Variants in SARDH observed in about 807,000 individuals in gnomAD.
The protein encoded by SARDH is sarcosine dehydrogenase.
SARDH carries 95 observed loss-of-function variants against 109.1 expected under a neutral mutation model. The observed-to-expected ratio is 0.87, with a 90% CI of 0.74 to 1.03. The LOEUF is 1.03. Ranked by LOEUF, SARDH falls within the 50% of genes least tolerant of loss-of-function variation. The pLI is 0.00. For missense variants in SARDH, 1,267 were observed against 1,287.8 expected, an observed-to-expected ratio of 0.98 and a Z score of 0.25; for synonymous variants, 572 against 534.8, an observed-to-expected ratio of 1.07 and a Z score of -0.96.
intron 6 of SARDH, among the ~76,000 whole-genome samples, chr9:133,727,384 G>A (rs965917424): frequency 2.0e-5 from 3 of 152,334 alleles, no homozygotes; most frequent in Admixed American, 6.5e-5. Context: ...GGTAGACAGC[G>A]TCCTGCTGCA....
chr9:133,734,396 C>CACTCAT (rs1832802587), intron 1 of SARDH, among the ~76,000 whole-genome samples, 193 bp from the exon 2 acceptor site: 1 of 128,722 alleles, frequency 7.8e-6, no homozygotes, highest in Non-Finnish European at 1.7e-5. Context: ...CATTCATTCA[C>CACTCAT]TCATTCATTC....
chr9:133,673,470 C>T (rs1455897239), intron 17 of SARDH, among the ~76,000 whole-genome samples: 1 of 152,208 alleles, frequency 6.6e-6, no homozygotes, highest in Non-Finnish European at 1.5e-5. Context: ...CGCTGGGATA[C>T]GCCTGTGGGA....
chr9:133,733,733 T>C, intron 2 of SARDH, 110 bp downstream of exon 2: 1 of 1,115,068 alleles, frequency 9.0e-7, no homozygotes, highest in East Asian at 3.0e-5. Context: ...CCCCAGGGTC[T>C]CTTCCCCAGG....
At chr9:133,722,347 A>G (rs2131477813) in intron 6 of SARDH, among the ~76,000 whole-genome samples, 1 of 152,242 alleles carries the variant, frequency 6.6e-6, no homozygotes, top group Admixed American at 6.5e-5. Context: ...CAAACTTGGA[A>G]GAAGGGAACT....
In SARDH at chr9:133,663,865, G is replaced by A; in HGVS notation, c.*24C>T. The A allele has an allele frequency of 6.2e-7, 1 of 1,613,382 alleles. No individual in the cohort carries two copies. The highest frequency in any genetic ancestry group is 8.5e-7 in the Non-Finnish European group (1 of 1,179,618). On this transcript the variant is annotated 3_prime_UTR_variant, in exon 21 of 21. Coordinates refer to ENST00000439388, the MANE Select transcript of SARDH (RefSeq NM_001134707.2). ...CCTGTGAGAATGGATGGACAGCATG[G>A]GATGGGGCATGTGGTCTGAGCCCTC...
chr9:133,660,130 G>A (rs1015420310), downstream of SARDH, among the ~76,000 whole-genome samples: 32 of 145,048 alleles, frequency 2.2e-4, no homozygotes, highest in African/African-American at 4.1e-4. Context: ...GACAGCAGCC[G>A]TGTCCCCCCT....
chr9:133,725,161 C>T (rs910045907), intron 6 of SARDH, among the ~76,000 whole-genome samples: 5 of 152,172 alleles, frequency 3.3e-5, no homozygotes, highest in African/African-American at 1.2e-4. Flanking sequence ...GAATAGGAAA[C>T]TCCATCGAGG....
intron 15 of SARDH, among the ~76,000 whole-genome samples, chr9:133,691,089 T>C (rs1019860694): frequency 1.3e-5 from 2 of 151,430 alleles, no homozygotes; most frequent in African/African-American, 4.9e-5. Flanking sequence ...CCTCAAGGGG[T>C]TCCCCGACAC....
chr9:133,739,152 C>T (rs1832980076), upstream of SARDH, among the ~76,000 whole-genome samples: 1 of 152,166 alleles, frequency 6.6e-6, no homozygotes, highest in Admixed American at 6.5e-5. Flanking sequence ...AAGAATACAC[C>T]TCTGGATGCC....
upstream of SARDH, among the ~76,000 whole-genome samples, chr9:133,738,727 G>T (rs986284970): frequency 3.3e-5 from 5 of 152,234 alleles, no homozygotes; most frequent in Non-Finnish European, 7.3e-5. Context: ...TGGGCCAGGG[G>T]CCCGTCCACT....
rs983063392 is a variant in SARDH, at chr9:133,712,632, C to T, written c.1315G>A (p.Gly439Ser). The T allele has an allele frequency of 1.9e-6, 3 of 1,609,692 alleles. No individual in the cohort carries two copies. The highest frequency in any genetic ancestry group is 1.7e-5 in the Admixed American group (1 of 60,016). Residue 439 changes from glycine (G) to serine (S), a missense_variant, in exon 10 of 21, where the codon GGC (glycine) becomes AGC (serine). Physicochemically the swap from Gly to Ser is moderately conservative, Grantham distance 56. Coordinates refer to ENST00000439388, the MANE Select transcript of SARDH (RefSeq NM_001134707.2). This position sits in a 1 kb window ranked among gnomAD's most constrained non-coding sequence, Gnocchi z 4.1. ...IHGRPEKDMHGYDIRRFHHSL... is the reference protein window; with the variant it reads ...IHGRPEKDMHSYDIRRFHHSL... The stretch of plus-strand genomic sequence containing the variant: ...ATGGGCACTTACCTGATGTCATAGC[C>T]ATGCATGTCCTTCTCCGGGCGCCCA...
rs900730509 is a variant in SARDH at position 133,717,255 on chromosome 9, G to C, written c.1150+71C>G. 6.4e-5 allele frequency: 101 copies of C among 1,572,820 alleles called. No homozygotes were observed. The Middle Eastern group carries it at 1.0e-3, about 16-fold the overall frequency. On this transcript the variant is annotated intron_variant, in intron 8 of 20. Coordinates refer to ENST00000439388, the MANE Select transcript of SARDH (RefSeq NM_001134707.2). Reference sequence around the variant, plus strand: ...GTGTGACACAGGCTGGTCTCACGGGGCATCACTACTAACAGTCATCAGACC... The same window carrying C: ...GTGTGACACAGGCTGGTCTCACGGGCCATCACTACTAACAGTCATCAGACC...
intron 12 of SARDH, 162 bp from the exon 13 acceptor site, chr9:133,703,191 C>T (rs891507676): frequency 3.2e-6 from 2 of 629,328 alleles, no homozygotes; most frequent in Non-Finnish European, 5.6e-6. Context: ...GCAGGGGGCC[C>T]CCATGAGGTC....
intron 8 of SARDH, among the ~76,000 whole-genome samples, chr9:133,715,415 C>T (rs542253554): frequency 1.3e-5 from 2 of 152,166 alleles, no homozygotes; most frequent in African/African-American, 2.4e-5. Context: ...GCCAGACCCA[C>T]GCAAGCTGCG....
intron 8 of SARDH, among the ~76,000 whole-genome samples, chr9:133,715,781 C>T (rs1303276819): frequency 6.6e-6 from 1 of 152,238 alleles, no homozygotes; most frequent in Admixed American, 6.5e-5. Flanking sequence ...TGCACCGCCC[C>T]TGTGGCTTCT....
rs1300036304 is a variant in SARDH, at chr9:133,718,646, G to C, written c.1020+292C>G. On this transcript the variant is annotated intron_variant, in intron 7 of 20. Transcript: ENST00000439388. This position sits in a 1 kb window ranked among gnomAD's most constrained non-coding sequence, Gnocchi z 4.2. Reference sequence around the variant, plus strand: ...CAGTGTCATTTGCTGAAGGACGTAGGACTTGTGTGCTCTCATGCCCTTCTG... The same window carrying C: ...CAGTGTCATTTGCTGAAGGACGTAGCACTTGTGTGCTCTCATGCCCTTCTG... 1 of 778,972 alleles carries C rather than the reference G, an allele frequency of 1.3e-6. No individual in the cohort carries two copies. The allele number at this position is 778,972 out of a possible 1,614,324, so 48.3% of individuals were successfully genotyped here. A position where few individuals can be genotyped will look rare whatever the true frequency, so the allele number is the denominator to read the frequency against.
At chr9:133,695,307 G>C (rs1435398928) in intron 14 of SARDH, among the ~76,000 whole-genome samples, 2 of 152,178 alleles carry the variant, frequency 1.3e-5, no homozygotes, top group Non-Finnish European at 2.9e-5. Flanking sequence ...GTTGGGCATG[G>C]TGGTGTGCGC....
rs148314623 is a variant in SARDH at position 133,703,008 on chromosome 9, C to A, written c.1576G>T (p.Gly526Trp). ...TCGTGCGCGCGGCTCCCGTAAGCCC[C>A]GTAGTAGTCGTACTCGAGGACCTGG... ...PAPVLEYDYYGAYGSRAHEDY... is the reference protein window; with the variant it reads ...PAPVLEYDYYWAYGSRAHEDY... Residue 526 changes from glycine to tryptophan, a missense_variant, in exon 13 of 21, where the codon GGG becomes TGG. Coordinates refer to ENST00000439388, the MANE Select transcript of SARDH (RefSeq NM_001134707.2). The A allele has an allele frequency of 6.2e-7, 1 of 1,613,350 alleles. No individual in the cohort carries two copies. The highest frequency in any genetic ancestry group is 1.3e-5 in the African/African-American group (1 of 75,050).
intron 8 of SARDH, among the ~76,000 whole-genome samples, 182 bp from the exon 9 acceptor site, chr9:133,713,306 G>C (rs938256119): frequency 2.7e-5 from 4 of 149,890 alleles, no homozygotes; most frequent in Non-Finnish European, 4.4e-5. Flanking sequence ...GCTCCTGCCC[G>C]TGCTCTCTGA....
Sources: allele counts gnomAD v4.1 joint callset (sites outside exome capture counted in the v4.1 genomes callset), GRCh38; gene constraint gnomAD v4.1.1; non-coding constraint Gnocchi (gnomAD v3.1); transcripts MANE v1.5; gene names NCBI Gene and HGNC (gene_info 2026-07-23, HGNC 2026-07-21).